The following TRIO variants were observed in gnomAD, a reference collection of about 807,000 sequenced individuals.
TRIO encodes the protein triple functional domain protein.
TRIO carries 58 observed loss-of-function variants against 351.9 expected under a neutral mutation model. That is an observed-to-expected ratio of 0.16 (90% CI 0.13 to 0.21). TRIO has a LOEUF of 0.21. Among genes scored for constraint, TRIO ranks in the 10% least tolerant of loss-of-function variants. The pLI is 1.00. For missense variants in TRIO, 3,201 were observed against 4,027.8 expected (o/e 0.79, Z 5.56); for synonymous variants, 1,758 against 1,595.7 (o/e 1.10, Z -2.42).
intron 1 of TRIO, among the ~76,000 whole-genome samples, chr5:14,144,768 C>T (rs554507004): frequency 6.6e-6 from 1 of 151,968 alleles, no homozygotes; most frequent in South Asian, 2.1e-4. Flanking sequence ...AGGGCGTCCC[C>T]GGTACCCCAG....
chr5:14,466,717 C>T (rs1053814100), intron 37 of TRIO, among the ~76,000 whole-genome samples: 2 of 152,318 alleles, frequency 1.3e-5, no homozygotes, highest in East Asian at 3.9e-4. Flanking sequence ...AGTTCTGATA[C>T]GTTTCCCTCC....
intron 21 of TRIO, among the ~76,000 whole-genome samples, chr5:14,385,777 A>T (rs1746490070): frequency 1.3e-5 from 2 of 152,218 alleles, no homozygotes; most frequent in South Asian, 4.1e-4. Flanking sequence ...AGGTTAGCAG[A>T]TTTATGGTAC....
chr5:14,145,299 C>T (rs982584554), intron 1 of TRIO, among the ~76,000 whole-genome samples: 2 of 152,166 alleles, frequency 1.3e-5, no homozygotes, highest in African/African-American at 2.4e-5. Context: ...ACTGTCTTCT[C>T]TTGGTTGTCT....
chr5:14,339,334 C>G (rs1012402734), intron 11 of TRIO, among the ~76,000 whole-genome samples: 13 of 152,132 alleles, frequency 8.5e-5, no homozygotes, highest in Non-Finnish European at 1.9e-4. Context: ...ATAAGAGCAT[C>G]CACTTATAAG....
chr5:14,287,976 G>C (rs1736587577), intron 4 of TRIO, among the ~76,000 whole-genome samples: 1 of 152,034 alleles, frequency 6.6e-6, no homozygotes, highest in Non-Finnish European at 1.5e-5. Flanking sequence ...TGTTTGCACA[G>C]GTGTATTACT....
At position 14,143,839 on chromosome 5, in the gene TRIO, G is replaced by C; in HGVS notation, c.114G>C (p.Glu38Asp). The change falls in exon 1 of 57, where the codon GAG becomes GAC. Residue 38 changes from glutamate (E) to aspartate (D), a missense_variant. This residue lies in a region of TRIO where 109 missense variants were observed against 134.6 expected (regional missense o/e 0.81). Coordinates refer to ENST00000344204, the MANE Select transcript of TRIO (RefSeq NM_007118.4). ...CGGGAGEGAE[E>D]AAKDLADIAA... ...GCGGTGCCGGCGAGGGGGCAGAGGAGGCGGCCAAGGACCTGGCCGACATCG... is the reference window on the plus strand; with the variant it reads ...GCGGTGCCGGCGAGGGGGCAGAGGACGCGGCCAAGGACCTGGCCGACATCG... 1 of 1,072,926 alleles carries C rather than the reference G, an allele frequency of 9.3e-7. No individual in the cohort carries two copies. The highest frequency in any genetic ancestry group is 4.4e-5 in the South Asian group (1 of 22,942). 66.5% of individuals were successfully genotyped at this position (1,072,926 alleles called of 1,614,324 possible). A position where few individuals can be genotyped will look rare whatever the true frequency, so the allele number is the denominator to read the frequency against.
chr5:14,373,356 G>C (rs951117035), intron 18 of TRIO, among the ~76,000 whole-genome samples: 1 of 152,156 alleles, frequency 6.6e-6, no homozygotes, highest in Non-Finnish European at 1.5e-5. Context: ...TCTGGAAACA[G>C]TGACCAACCC....
chr5:14,372,577 C>T (rs754977417), intron 18 of TRIO, among the ~76,000 whole-genome samples: 1 of 152,136 alleles, frequency 6.6e-6, no homozygotes, highest in Non-Finnish European at 1.5e-5. Context: ...TTTGGTTATT[C>T]TAAAGTAGAG....
chr5:14,274,790 C>T (rs1735355072), intron 2 of TRIO, among the ~76,000 whole-genome samples: 1 of 152,196 alleles, frequency 6.6e-6, no homozygotes, highest in East Asian at 1.9e-4. Flanking sequence ...ATTCATTACA[C>T]ATTTTCTCTC....
chr5:14,170,480 A>G (rs762078264), intron 1 of TRIO, among the ~76,000 whole-genome samples: 1 of 151,094 alleles, frequency 6.6e-6, no homozygotes, highest in Non-Finnish European at 1.5e-5. Context: ...TATGTGCTAA[A>G]CAGTCACTAA....
intron 1 of TRIO, among the ~76,000 whole-genome samples, chr5:14,250,964 T>C (rs567605487): frequency 3.3e-5 from 5 of 152,234 alleles, no homozygotes; most frequent in South Asian, 2.1e-4. Context: ...GGCCCTTCCA[T>C]GTCAGAAAAG....
intron 27 of TRIO, 76 bp downstream of exon 27, chr5:14,391,066 A>C: frequency 8.8e-7 from 1 of 1,133,816 alleles, no homozygotes; most frequent in Non-Finnish European, 1.3e-6. Context: ...CATAACTTTC[A>C]CCTAATTGAT....
chr5:14,457,966 G>A (rs16903523), intron 34 of TRIO, among the ~76,000 whole-genome samples: 1 of 151,880 alleles, frequency 6.6e-6, no homozygotes, highest in Non-Finnish European at 1.5e-5. Flanking sequence ...TACTAGTTGT[G>A]ATGTGTAAGT....
intron 8 of TRIO, among the ~76,000 whole-genome samples, chr5:14,307,017 A>G (rs1738430624): frequency 6.6e-6 from 1 of 152,180 alleles, no homozygotes. Flanking sequence ...ACTCAAGGAG[A>G]CAGTAATTTG....
intron 34 of TRIO, among the ~76,000 whole-genome samples, chr5:14,458,217 A>T (rs534688963): frequency 6.6e-6 from 1 of 152,264 alleles, no homozygotes; most frequent in South Asian, 2.1e-4. Flanking sequence ...TCCTTAAAAT[A>T]TGAGCTGTGG....
At chr5:14,207,389 TACACAC>T (rs70964544) in intron 1 of TRIO, among the ~76,000 whole-genome samples, 343 of 11,626 alleles carry the variant, frequency 0.03, 35 homozygotes, top group African/African-American at 0.067. Flanking sequence ...CAAGACTGTC[TACACAC>T]ACACACACAC....
At position 14,488,221 on chromosome 5, in the gene TRIO, G is replaced by C. The variant is rs267600468; in HGVS notation, c.7593G>C (p.Ser2531=). Residue 2531 remains serine, a synonymous_variant, in exon 48 of 57, where the codon TCG becomes TCC. Coordinates refer to ENST00000344204, the MANE Select transcript of TRIO (RefSeq NM_007118.4). The stretch of plus-strand genomic sequence containing the variant: ...CTGACCGCATGAGCACGTGCTCCTC[G>C]GCCAGCGAGCAGTCCGTGCAGTCCA... The part of the protein sequence containing the change: ...KDTDRMSTCS[S]ASEQSVQSTQ... 1 of 1,589,842 alleles carries C rather than the reference G, an allele frequency of 6.3e-7. No individual in the cohort carries two copies. The highest frequency in any genetic ancestry group is 2.3e-5 in the East Asian group (1 of 44,428).
chr5:14,326,703 G>A (rs1026281955), intron 9 of TRIO, among the ~76,000 whole-genome samples: 4 of 152,226 alleles, frequency 2.6e-5, no homozygotes, highest in African/African-American at 9.7e-5. Flanking sequence ...GGAAGGGGGC[G>A]GAGGTGCAGC....
At chr5:14,390,793 C>G in intron 26 of TRIO, 108 bp from the exon 27 acceptor site, 1 of 857,298 alleles carries the variant, frequency 1.2e-6, no homozygotes, top group Non-Finnish European at 1.7e-6. Flanking sequence ...GTCTCTTCAA[C>G]TCGAGGCTTA....
Sources: allele counts gnomAD v4.1 joint callset (sites outside exome capture counted in the v4.1 genomes callset), GRCh38; gene constraint gnomAD v4.1.1; regional missense constraint gnomAD v4.1.1; transcripts MANE v1.5; gene names NCBI Gene and HGNC (gene_info 2026-07-23, HGNC 2026-07-21).